THSD4: variants seen among roughly 807,000 people sequenced by gnomAD.
THSD4 encodes the protein thrombospondin type 1 domain containing 4.
THSD4 carries 69 observed loss-of-function variants against 119.0 expected under a neutral mutation model. The observed-to-expected ratio is 0.58, with a 90% CI of 0.48 to 0.71. THSD4 has a LOEUF of 0.71. Ranked by LOEUF, THSD4 falls within the 30% of genes least tolerant of loss-of-function variation. The pLI is 0.00. For missense variants in THSD4, 1,393 were observed against 1,391.1 expected (o/e 1.00, Z -0.02); for synonymous variants, 524 against 540.4 (o/e 0.97, Z 0.42).
At chr15:71,212,341 A>G (rs1387826146) in intron 3 of THSD4, among the ~76,000 whole-genome samples, 2 of 152,236 alleles carry the variant, frequency 1.3e-5, no homozygotes, top group East Asian at 3.8e-4. Flanking sequence ...TATTATGAAT[A>G]GAATAGGACG....
intron 7 of THSD4, among the ~76,000 whole-genome samples, chr15:71,453,212 C>T: frequency 6.6e-6 from 1 of 152,194 alleles, no homozygotes; most frequent in East Asian, 1.9e-4. Context: ...CCTGAGCAGA[C>T]TAAGACCACC....
At chr15:71,704,921 A>C (rs2052365699) in intron 8 of THSD4, among the ~76,000 whole-genome samples, 1 of 152,220 alleles carries the variant, frequency 6.6e-6, no homozygotes, top group African/African-American at 2.4e-5. Context: ...ACTCTGATGT[A>C]AAGTGTTTGG....
At chr15:71,112,899 C>T (rs1394974965), upstream of THSD4, among the ~76,000 whole-genome samples, 2 of 152,206 alleles carry the variant, frequency 1.3e-5, no homozygotes, top group African/African-American at 4.8e-5. Flanking sequence ...TGAGTATAGG[C>T]TGGTCTCTGT....
rs953045714 is a variant in THSD4 at position 71,778,431 on chromosome 15, G to T, written c.*1057G>T. The stretch of plus-strand genomic sequence containing the variant: ...CCGTTCCAAGTGCTGTTCCTCCCAG[G>T]AAATCAAAGGCCAGGGTCCTTATGG... On this transcript the variant is annotated 3_prime_UTR_variant, in exon 18 of 18. Coordinates refer to ENST00000261862, the MANE Select transcript of THSD4 (RefSeq NM_024817.3). 1 of 152,342 alleles carries T rather than the reference G, an allele frequency of 6.6e-6. No individual in the cohort carries two copies. Among genetic ancestry groups the T allele is most frequent in the Non-Finnish European group, 1.5e-5 (1 of 68,180 alleles). The allele number at this position is 152,342 out of a possible 1,614,324, so 9.4% of individuals were successfully genotyped here.
chr15:71,241,173 T>A (rs926920880), intron 4 of THSD4, among the ~76,000 whole-genome samples: 1 of 152,252 alleles, frequency 6.6e-6, no homozygotes, highest in Non-Finnish European at 1.5e-5. Context: ...TGGGCACATT[T>A]CCAATTTTAC....
rs200327774 is a variant in THSD4, at chr15:71,778,521, CCCTGCCTCAG to C, written c.*1150_*1159del. On this transcript the variant is annotated 3_prime_UTR_variant, in exon 18 of 18. Coordinates refer to ENST00000261862, the MANE Select transcript of THSD4 (RefSeq NM_024817.3). ...ACACAGCTCTGCAGCCTGGGCTCTG[CCCTGCCTCAG>C]CCGCCTCCCCCACGCTCTTCACCAC... The C allele has an allele frequency of 3.3e-5, 5 of 152,946 alleles. No individual in the cohort carries two copies. In the East Asian group the frequency reaches 9.6e-4, roughly 29 times the overall value. 9.5% of individuals were successfully genotyped at this position (152,946 alleles called of 1,614,324 possible).
chr15:71,102,816 T>C (rs1210236756), intron 1 of THSD4, among the ~76,000 whole-genome samples: 1 of 152,232 alleles, frequency 6.6e-6, no homozygotes, highest in Non-Finnish European at 1.5e-5. Context: ...TCCACTTGCC[T>C]TGGCCTCCCA....
At chr15:71,748,743 T>A in intron 14 of THSD4, 149 bp downstream of exon 14, 1 of 1,037,240 alleles carries the variant, frequency 9.6e-7, no homozygotes, top group South Asian at 1.7e-5. Context: ...TATCGTAGGC[T>A]TTCTATCCTT....
At chr15:71,550,682 C>T (rs769810353) in intron 7 of THSD4, among the ~76,000 whole-genome samples, 5 of 152,136 alleles carry the variant, frequency 3.3e-5, no homozygotes, top group African/African-American at 4.8e-5. Context: ...CCTCGTGATC[C>T]GCCCACCTCA....
At chr15:71,656,171 C>T (rs2051187376) in intron 7 of THSD4, among the ~76,000 whole-genome samples, 1 of 151,658 alleles carries the variant, frequency 6.6e-6, no homozygotes. Flanking sequence ...CATGAAACAT[C>T]AAAAAAAGTG....
chr15:71,353,167 A>G (rs1486384151), intron 6 of THSD4, among the ~76,000 whole-genome samples: 1 of 152,236 alleles, frequency 6.6e-6, no homozygotes, highest in East Asian at 1.9e-4. Flanking sequence ...ACATTGACAC[A>G]TGAAGCAGAA....
At chr15:71,112,375 T>C, upstream of THSD4, 1 of 793,374 alleles carries the variant, frequency 1.3e-6, no homozygotes. Flanking sequence ...GCTAGAGCTG[T>C]CTTACATAGA....
At chr15:71,248,646 C>A (rs899887045) in intron 5 of THSD4, among the ~76,000 whole-genome samples, 5 of 152,082 alleles carry the variant, frequency 3.3e-5, no homozygotes, top group Non-Finnish European at 4.4e-5. Flanking sequence ...GTGAATTTCC[C>A]TGGGGTAGGA....
chr15:71,633,312 G>A (rs1201798048), intron 7 of THSD4, among the ~76,000 whole-genome samples: 3 of 110,678 alleles, frequency 2.7e-5, no homozygotes, highest in African/African-American at 7.2e-5. Context: ...GTCTCACTCT[G>A]TTGCCCAGGC....
At chr15:71,613,482 A>G (rs866738463) in intron 7 of THSD4, among the ~76,000 whole-genome samples, 1 of 152,224 alleles carries the variant, frequency 6.6e-6, no homozygotes, top group Admixed American at 6.5e-5. Flanking sequence ...TCAATTGTCT[A>G]TTACAACTTA....
intron 7 of THSD4, among the ~76,000 whole-genome samples, chr15:71,612,761 A>C (rs1382845992): frequency 6.6e-6 from 1 of 152,236 alleles, no homozygotes; most frequent in African/African-American, 2.4e-5. Context: ...GAGTCAATGC[A>C]TTGATATGGC....
intron 10 of THSD4, among the ~76,000 whole-genome samples, chr15:71,735,808 CTCTA>C (rs1164582832): frequency 2.0e-5 from 3 of 151,084 alleles, no homozygotes; most frequent in Non-Finnish European, 3.0e-5. Context: ...TGCTTTCTGT[CTCTA>C]TCTCTCTGTC....
Position 71,215,116 on chromosome 15 carries a change from C to A in THSD4, c.181C>A (p.Pro61Thr). ...CCCGGGAGTGTGGGGCGCCTGGGGC[C>A]CCTGGTCGGCCTGCTCGCGTAGCTG... ...GAPGVWGAWG[P>T]WSACSRSCSG... is the part of the protein sequence containing the mutation. Residue 61 changes from proline (P) to threonine (T), a missense_variant, in exon 4 of 18, where the codon CCC becomes ACC. Transcript: ENST00000261862. 7.4e-7 allele frequency: 1 copy of A among 1,351,892 alleles called. No individual in the cohort carries two copies. Among genetic ancestry groups the A allele is most frequent in the Non-Finnish European group, 9.5e-7 (1 of 1,048,046 alleles). 83.7% of individuals were successfully genotyped at this position (1,351,892 alleles called of 1,614,324 possible).
chr15:71,774,553 T>C (rs1422013080), intron 17 of THSD4, among the ~76,000 whole-genome samples: 2 of 152,168 alleles, frequency 1.3e-5, no homozygotes, highest in Non-Finnish European at 2.9e-5. Flanking sequence ...ACAAAGATAT[T>C]ATTACCTTTG....
Sources: gnomAD v4.1 joint callset for allele counts (sites outside exome capture counted in the v4.1 genomes callset) on GRCh38, gnomAD v4.1.1 for gene constraint, MANE v1.5 for transcripts, NCBI Gene and HGNC (gene_info 2026-07-23, HGNC 2026-07-21) for gene names.